SCN2A: variants seen among roughly 807,000 people sequenced by gnomAD.
SCN2A encodes the protein sodium voltage-gated channel alpha subunit 2.
SCN2A carries 20 observed loss-of-function variants against 188.7 expected under a neutral mutation model. The observed-to-expected ratio is 0.11, with a 90% CI of 0.07 to 0.15. The LOEUF (loss-of-function observed/expected upper bound fraction) is 0.15, where lower values mean the gene tolerates loss of function less well. Ranked by LOEUF, SCN2A falls within the 10% of genes least tolerant of loss-of-function variation. The pLI is 1.00. For missense variants in SCN2A, 1,278 were observed against 2,445.0 expected (o/e 0.52, Z 10.07); for synonymous variants, 804 against 833.1 (o/e 0.97, Z 0.60).
chr2:165,353,613 T>C (rs976723877), intron 16 of SCN2A, among the ~76,000 whole-genome samples: 1 of 152,150 alleles, frequency 6.6e-6, no homozygotes, highest in African/African-American at 2.4e-5. Context: ...CTCAAAGAGC[T>C]TTCAATCATG....
chr2:165,339,352 T>C (rs1699185532), intron 14 of SCN2A, among the ~76,000 whole-genome samples: 1 of 151,928 alleles, frequency 6.6e-6, no homozygotes, highest in Admixed American at 6.6e-5. Context: ...CATAGACAAA[T>C]ATGTCTATTT....
At chr2:165,291,499 C>CTTTCTTTCT (rs1696170030) in intron 1 of SCN2A, among the ~76,000 whole-genome samples, 1 of 106,950 alleles carries the variant, frequency 9.4e-6, no homozygotes, top group Non-Finnish European at 2.0e-5. Flanking sequence ...TCTTTTCTTT[C>CTTTCTTTCT]TTTCTTTCTT....
intron 3 of SCN2A, among the ~76,000 whole-genome samples, chr2:165,302,122 A>C (rs2105227083): frequency 6.6e-6 from 1 of 152,332 alleles, no homozygotes. Context: ...CTGAGATATA[A>C]AATATCATGG....
intron 1 of SCN2A, among the ~76,000 whole-genome samples, chr2:165,248,457 C>T (rs1220748205): frequency 6.6e-6 from 1 of 152,106 alleles, no homozygotes; most frequent in Non-Finnish European, 1.5e-5. Context: ...GCATGACTAA[C>T]CTCCTCACCT....
intron 25 of SCN2A, among the ~76,000 whole-genome samples, chr2:165,382,813 A>G (rs1430103726): frequency 6.6e-6 from 1 of 152,208 alleles, no homozygotes; most frequent in Admixed American, 6.6e-5. Flanking sequence ...ACAAAATTCA[A>G]TTGAGCTCTG....
intron 22 of SCN2A, among the ~76,000 whole-genome samples, chr2:165,377,029 T>C (rs1446958919): frequency 6.6e-6 from 1 of 151,946 alleles, no homozygotes; most frequent in Admixed American, 6.6e-5. Context: ...AAAACAAATA[T>C]TTAAAAAAGG....
At chr2:165,365,062 G>C (rs1259126747) in intron 17 of SCN2A, 81 bp from the exon 18 acceptor site, 1 of 1,250,704 alleles carries the variant, frequency 8.0e-7, no homozygotes, top group African/African-American at 1.6e-5. Flanking sequence ...CAGAAGATGG[G>C]GGGGGGGCAC....
chr2:165,347,465 A>C (rs1398364321), intron 16 of SCN2A, among the ~76,000 whole-genome samples: 1 of 152,136 alleles, frequency 6.6e-6, no homozygotes, highest in Non-Finnish European at 1.5e-5. Context: ...TAGGGGAGGG[A>C]GAGCATTAGG....
chr2:165,352,840 C>T (rs1232775476), intron 16 of SCN2A, among the ~76,000 whole-genome samples: 2 of 152,092 alleles, frequency 1.3e-5, no homozygotes, highest in African/African-American at 4.8e-5. Context: ...AAATCCAAAA[C>T]ACTTCTGGCC....
At chr2:165,285,495 G>T in intron 1 of SCN2A, 1 of 167,206 alleles carries the variant, frequency 6.0e-6, no homozygotes, top group Non-Finnish European at 1.3e-5. Flanking sequence ...TTAAGAGGGT[G>T]GGTGATGACA....
chr2:165,283,595 G>A (rs1223584054), intron 1 of SCN2A, among the ~76,000 whole-genome samples: 1 of 152,128 alleles, frequency 6.6e-6, no homozygotes, highest in African/African-American at 2.4e-5. Context: ...GATTATAAGG[G>A]GAAACTATGT....
chr2:165,342,896 A>T (rs572660252), intron 15 of SCN2A, among the ~76,000 whole-genome samples: 1 of 151,946 alleles, frequency 6.6e-6, no homozygotes, highest in Non-Finnish European at 1.5e-5. Context: ...TAGAGGAAAG[A>T]GTTAAGACAG....
At chr2:165,355,642 G>C (rs763390439) in intron 17 of SCN2A, among the ~76,000 whole-genome samples, 2 of 152,082 alleles carry the variant, frequency 1.3e-5, no homozygotes, top group Non-Finnish European at 2.9e-5. Flanking sequence ...TGTCGGGAAA[G>C]AAAGAATGAC....
intron 1 of SCN2A, among the ~76,000 whole-genome samples, chr2:165,275,691 C>T (rs1001726600): frequency 3.9e-5 from 6 of 152,072 alleles, no homozygotes. Flanking sequence ...GAGAAAAGAG[C>T]ATTAGTAGTA....
chr2:165,377,744 G>A, intron 23 of SCN2A, 94 bp downstream of exon 23: 1 of 1,032,092 alleles, frequency 9.7e-7, no homozygotes, highest in South Asian at 1.5e-5. Flanking sequence ...ATAAAATTAT[G>A]TGCTTAATTT....
intron 26 of SCN2A, 118 bp from the exon 27 acceptor site, chr2:165,388,511 A>G (rs1701987427): frequency 7.4e-7 from 1 of 1,353,560 alleles, no homozygotes; most frequent in African/African-American, 1.4e-5. Flanking sequence ...GATTATTTGC[A>G]TATATACATG....
In SCN2A at chr2:165,289,567, A is replaced by G. The variant is rs1428187841; in HGVS notation, c.-51-6206A>G. On this transcript the variant is annotated intron_variant, in intron 1 of 26. Coordinates refer to ENST00000375437, the MANE Select transcript of SCN2A (RefSeq NM_001040142.2). ...TGAATGAAATTTAAAACCTTCACGT[A>G]ATATATGTCATATAGAACTCTCATA... is the stretch of plus-strand genomic sequence containing the variant. 3.3e-5 allele frequency among the ~76,000 whole-genome samples: 5 copies of G among 152,250 alleles called. No homozygotes were observed. The Middle Eastern group carries it at 0.014, about 414-fold the overall frequency.
At chr2:165,264,740 T>TA (rs1487068546) in intron 1 of SCN2A, among the ~76,000 whole-genome samples, 2 of 152,152 alleles carry the variant, frequency 1.3e-5, no homozygotes, top group Non-Finnish European at 2.9e-5. Context: ...GTTCCTGTGT[T>TA]ACTTTGCTGA....
chr2:165,383,911 G>A (rs1446830361), intron 25 of SCN2A, among the ~76,000 whole-genome samples: 1 of 151,582 alleles, frequency 6.6e-6, no homozygotes, highest in Non-Finnish European at 1.5e-5. Context: ...GAGAGTGAGA[G>A]GAAGGAGGAA....
Sources: gnomAD v4.1 joint callset for allele counts (sites outside exome capture counted in the v4.1 genomes callset) on GRCh38, gnomAD v4.1.1 for gene constraint, MANE v1.5 for transcripts, NCBI Gene and HGNC (gene_info 2026-07-23, HGNC 2026-07-21) for gene names.